The following FAXC variants were observed in gnomAD, a reference collection of about 807,000 sequenced individuals.
The protein encoded by FAXC is failed axon connections homolog, metaxin like GST domain containing.
A neutral mutation model predicts 41.9 loss-of-function variants in FAXC; 10 were observed. The ratio of observed to expected loss-of-function variants is 0.24; its 90% confidence interval spans 0.15 to 0.41. FAXC has a LOEUF of 0.41. FAXC is among the 10% of genes least tolerant of loss of function. The pLI is 1.00. For missense variants in FAXC, 399 were observed against 510.9 expected, an observed-to-expected ratio of 0.78 and a Z score of 2.11; for synonymous variants, 183 against 183.8, an observed-to-expected ratio of 1.00 and a Z score of 0.03.
chr6:99,332,801 A>G (rs1773076753), intron 3 of FAXC, among the ~76,000 whole-genome samples: 1 of 152,212 alleles, frequency 6.6e-6, no homozygotes, highest in Non-Finnish European at 1.5e-5. Flanking sequence ...CTGACATAAT[A>G]TTATTTTAAT....
intron 2 of FAXC, among the ~76,000 whole-genome samples, chr6:99,338,669 T>C (rs1444524707): frequency 6.6e-6 from 1 of 152,180 alleles, no homozygotes; most frequent in African/African-American, 2.4e-5. Flanking sequence ...AGCTGTTGGG[T>C]AGCAATCTCT....
At position 99,297,714 on chromosome 6, in the gene FAXC, A is replaced by C. The variant is rs7752912; in HGVS notation, c.824-5894T>G. Among the ~76,000 whole-genome samples, 1,496 of 152,248 alleles carry C rather than the reference A, an allele frequency of 9.8e-3. 35 individuals carry two copies. Among genetic ancestry groups the C allele is most frequent in the African/African-American group, 0.034 (1,395 of 41,544 alleles). On this transcript the variant is annotated intron_variant, in intron 4 of 5. Transcript: ENST00000389677. Reference sequence around the variant, plus strand: ...ACAAACCGAGCTCTACCTCCTATGAATGGTCTACTTCAGTCAAACATGCAG... The same window carrying C: ...ACAAACCGAGCTCTACCTCCTATGACTGGTCTACTTCAGTCAAACATGCAG...
chr6:99,289,948 G>T lies in FAXC; in HGVS notation c.940+1756C>A, dbSNP rs191050226. ...CCACTCGGCACCAGAAGAGAGTACT[G>T]CACCACACATATGGACAGCCCAGGA... On this transcript the variant is annotated intron_variant, in intron 5 of 5. Transcript: ENST00000389677. Among the ~76,000 whole-genome samples the T allele has an allele frequency of 3.9e-5, 6 of 152,116 alleles. No homozygotes were observed. In the East Asian group the frequency reaches 1.2e-3, roughly 29 times the overall value.
At chr6:99,323,216 C>A (rs144674733) in intron 4 of FAXC, among the ~76,000 whole-genome samples, 1 of 152,204 alleles carries the variant, frequency 6.6e-6, no homozygotes, top group East Asian at 1.9e-4. Context: ...TCCATACTCT[C>A]TTCACACGGG....
At chr6:99,340,408 T>C (rs2128464695) in intron 2 of FAXC, among the ~76,000 whole-genome samples, 1 of 152,096 alleles carries the variant, frequency 6.6e-6, no homozygotes, top group South Asian at 2.1e-4. Flanking sequence ...CCTAATATTT[T>C]TAAAATATAG....
intron 5 of FAXC, among the ~76,000 whole-genome samples, chr6:99,286,442 C>T (rs1278334612): frequency 2.0e-5 from 3 of 152,168 alleles, no homozygotes; most frequent in African/African-American, 7.2e-5. Flanking sequence ...TATTTACATG[C>T]TGGTCAAGGA....
At chr6:99,301,470 C>T (rs976323533) in intron 4 of FAXC, among the ~76,000 whole-genome samples, 10 of 152,258 alleles carry the variant, frequency 6.6e-5, no homozygotes, top group African/African-American at 2.4e-4. Context: ...TATGTACCCA[C>T]AAAAATTAAA....
At chr6:99,310,743 A>G (rs997997384) in intron 4 of FAXC, among the ~76,000 whole-genome samples, 2 of 152,190 alleles carry the variant, frequency 1.3e-5, no homozygotes, top group Admixed American at 1.3e-4. Flanking sequence ...GTTACTCAGC[A>G]TATGCTAAAT....
At chr6:99,338,950 A>G (rs562141931) in intron 2 of FAXC, among the ~76,000 whole-genome samples, 2 of 152,202 alleles carry the variant, frequency 1.3e-5, no homozygotes, top group African/African-American at 2.4e-5. Context: ...CCCAATCCGA[A>G]GTCTGGACTC....
rs1401244034 is a variant in FAXC, at chr6:99,276,024, T to A, written c.*5140A>T. 1.3e-5 allele frequency: 2 copies of A among 152,126 alleles called. No homozygotes were observed. Among genetic ancestry groups the A allele is most frequent in the Non-Finnish European group, 2.9e-5 (2 of 68,020 alleles). 9.4% of individuals were successfully genotyped at this position (152,126 alleles called of 1,614,324 possible). On this transcript the variant is annotated 3_prime_UTR_variant, in exon 6 of 6. Transcript: ENST00000389677. ...GGTTCCCAGAGCCCAGCATTTAGCC[T>A]GGGAAGTATTCGTCATTGAGTGTAC...
chr6:99,286,718 A>T (rs1320715903), intron 5 of FAXC, among the ~76,000 whole-genome samples: 2 of 152,222 alleles, frequency 1.3e-5, no homozygotes. Context: ...CATCTGTTTT[A>T]AGGAGTGCCC....
intron 4 of FAXC, chr6:99,309,729 T>C (rs748919870): frequency 3.0e-5 from 5 of 166,076 alleles, no homozygotes; most frequent in African/African-American, 7.2e-5. Context: ...AGTGAGCAAC[T>C]TAAGAGTTAT....
chr6:99,329,732 A>G (rs1337967050), intron 3 of FAXC, among the ~76,000 whole-genome samples: 1 of 151,986 alleles, frequency 6.6e-6, no homozygotes, highest in East Asian at 1.9e-4. Flanking sequence ...TTTAGAAAAG[A>G]TCTTGGTTAA....
At chr6:99,338,975 A>G (rs1241121191) in intron 2 of FAXC, among the ~76,000 whole-genome samples, 1 of 152,136 alleles carries the variant, frequency 6.6e-6, no homozygotes, top group Non-Finnish European at 1.5e-5. Flanking sequence ...CCACTTCACC[A>G]TGTCCCCAGA....
intron 4 of FAXC, among the ~76,000 whole-genome samples, chr6:99,301,071 A>C (rs928548433): frequency 1.3e-5 from 2 of 152,250 alleles, no homozygotes; most frequent in African/African-American, 4.8e-5. Context: ...AAACATGTAC[A>C]TAATCACCAA....
chr6:99,336,528 A>C (rs1426563856), intron 2 of FAXC, among the ~76,000 whole-genome samples: 4 of 152,234 alleles, frequency 2.6e-5, no homozygotes, highest in Admixed American at 1.3e-4. Context: ...GAAGATAAAG[A>C]GGTAAATCCT....
intron 2 of FAXC, among the ~76,000 whole-genome samples, chr6:99,336,599 GCCACACATATACTA>G (rs1416452140): frequency 6.6e-6 from 1 of 152,210 alleles, no homozygotes; most frequent in Non-Finnish European, 1.5e-5. Flanking sequence ...GACTGATGCA[GCCACACATATACTA>G]CATTATTAGC....
At chr6:99,288,538 T>G (rs899679327) in intron 5 of FAXC, among the ~76,000 whole-genome samples, 1 of 152,128 alleles carries the variant, frequency 6.6e-6, no homozygotes, top group Non-Finnish European at 1.5e-5. Flanking sequence ...TGTGATTAAA[T>G]TAAAGGGAAA....
Position 99,349,460 on chromosome 6 carries a change from C to T in FAXC, c.-88G>A. The stretch of plus-strand genomic sequence containing the variant: ...GCGCGGCCCGGCGCGGGCTCAGAGG[C>T]GCGCGGAGGGCGCGGGCGGCGCGGG... On this transcript the variant is annotated 5_prime_UTR_variant, in exon 1 of 6. Transcript: ENST00000389677. 4 of 1,003,044 alleles carry T rather than the reference C, an allele frequency of 4.0e-6. No homozygotes were observed. The highest frequency in any genetic ancestry group is 4.8e-6 in the Non-Finnish European group (4 of 837,196). 62.1% of individuals were successfully genotyped at this position (1,003,044 alleles called of 1,614,324 possible). A position where few individuals can be genotyped will look rare whatever the true frequency, so the allele number is the denominator to read the frequency against.
Sources: gnomAD v4.1 joint callset for allele counts (sites outside exome capture counted in the v4.1 genomes callset) on GRCh38, gnomAD v4.1.1 for gene constraint, MANE v1.5 for transcripts, NCBI Gene and HGNC (gene_info 2026-07-23, HGNC 2026-07-21) for gene names.